NALCN: variants seen among roughly 807,000 people sequenced by gnomAD.
NALCN encodes the protein sodium leak channel NALCN.
In NALCN, 111 loss-of-function variants were observed where a neutral mutation model predicts 225.3. That is an observed-to-expected ratio of 0.49 (90% confidence interval 0.42 to 0.58). The LOEUF (loss-of-function observed/expected upper bound fraction) is 0.58. NALCN is among the 20% of genes least tolerant of loss of function. NALCN has a pLI of 0.00. For synonymous variants in NALCN, 764 were observed against 769.0 expected (o/e 0.99, Z 0.11); for missense variants, 1,378 against 2,202.4 (o/e 0.63, Z 7.49).
At chr13:101,232,679 C>T (rs1205578176) in intron 12 of NALCN, among the ~76,000 whole-genome samples, 1 of 152,006 alleles carries the variant, frequency 6.6e-6, no homozygotes, top group East Asian at 1.9e-4. Flanking sequence ...ATCTCCTGAC[C>T]TCGTGATCCG....
rs79672664 is a variant in NALCN, at chr13:101,172,160, T to C, written c.1839+4140A>G. On this transcript the variant is annotated intron_variant, in intron 15 of 43. Coordinates refer to ENST00000251127, the MANE Select transcript of NALCN (RefSeq NM_052867.4). ...ACACGGAGGTTGCATAGAAAAATAA[T>C]GGGAAAAGACATACAGCGCCATGCT... 8.5e-5 allele frequency among the ~76,000 whole-genome samples: 13 copies of C among 152,110 alleles called. No homozygotes were observed. The East Asian group carries it at 2.5e-3, about 30-fold the overall frequency.
Position 101,104,591 on chromosome 13 carries a change from G to C in NALCN, c.2696C>G (p.Ser899Cys), listed in dbSNP as rs1165968386. 6.2e-7 allele frequency: 1 copy of C among 1,613,896 alleles called. No homozygotes were observed. The highest frequency in any genetic ancestry group is 8.5e-7 in the Non-Finnish European group (1 of 1,179,930). ...GGACTCAAACATCATGGAAATGCAA[G>C]AGCAGATGGTTACGATGATCATGAC... ...DWVMIIVTIC[S>C]CISMMFESPF... Residue 899 changes from serine to cysteine, a missense_variant, in exon 24 of 44, where the codon TCT (serine) becomes TGT (cysteine). By Grantham distance (112) the Ser-to-Cys change is moderately radical. Coordinates refer to ENST00000251127, the MANE Select transcript of NALCN (RefSeq NM_052867.4). The surrounding 1 kb of genome is among the most constrained non-coding windows in gnomAD (Gnocchi z 4.2).
At chr13:101,407,537 T>G (rs904643529) in intron 1 of NALCN, among the ~76,000 whole-genome samples, 1 of 152,360 alleles carries the variant, frequency 6.6e-6, no homozygotes, top group African/African-American at 2.4e-5. Flanking sequence ...TACTCATTTT[T>G]TTAACTTGAA....
At chr13:101,240,371 T>A (rs1594508554) in intron 11 of NALCN, among the ~76,000 whole-genome samples, 1 of 151,966 alleles carries the variant, frequency 6.6e-6, no homozygotes, top group African/African-American at 2.4e-5. Context: ...ATCTATGTAT[T>A]TTTTCTTTTT....
At chr13:101,171,901 C>T (rs1056771721) in intron 15 of NALCN, among the ~76,000 whole-genome samples, 3 of 152,162 alleles carry the variant, frequency 2.0e-5, no homozygotes, top group African/African-American at 7.2e-5. Flanking sequence ...TTAAAGGAAA[C>T]TATATATGAA....
intron 6 of NALCN, among the ~76,000 whole-genome samples, chr13:101,365,077 T>C (rs1436825729): frequency 3.3e-5 from 5 of 152,182 alleles, no homozygotes; most frequent in East Asian, 3.8e-4. Context: ...CAGGGATACA[T>C]GTGCAGGTTT....
chr13:101,306,316 C>T (rs892587252), intron 7 of NALCN, among the ~76,000 whole-genome samples: 1 of 152,240 alleles, frequency 6.6e-6, no homozygotes, highest in African/African-American at 2.4e-5. Context: ...AATGGCTCCA[C>T]TTGTCTCCAG....
At chr13:101,151,079 C>T (rs1566347925) in intron 15 of NALCN, among the ~76,000 whole-genome samples, 1 of 152,152 alleles carries the variant, frequency 6.6e-6, no homozygotes, top group Non-Finnish European at 1.5e-5. Flanking sequence ...AAGAAACAAA[C>T]TTCAAACCTT....
intron 15 of NALCN, among the ~76,000 whole-genome samples, chr13:101,165,286 C>T (rs1176124066): frequency 6.6e-6 from 1 of 152,214 alleles, no homozygotes; most frequent in Non-Finnish European, 1.5e-5. Context: ...GATCCACCTT[C>T]ACTTCCTTAC....
intron 14 of NALCN, among the ~76,000 whole-genome samples, chr13:101,190,463 T>G (rs2039637057): frequency 6.6e-6 from 1 of 152,224 alleles, no homozygotes; most frequent in Non-Finnish European, 1.5e-5. Context: ...CAGGGCTAAG[T>G]GTTGTGCAAA....
At chr13:101,062,267 T>G (rs776118085) in intron 40 of NALCN, 149 bp from the exon 41 acceptor site, 10 of 757,466 alleles carry the variant, frequency 1.3e-5, no homozygotes, top group Non-Finnish European at 2.1e-5. Context: ...CTTGGGCTGG[T>G]CCTGTCACCT....
At chr13:101,260,828 T>A (rs1462322777) in intron 10 of NALCN, among the ~76,000 whole-genome samples, 2 of 152,212 alleles carry the variant, frequency 1.3e-5, no homozygotes, top group Non-Finnish European at 2.9e-5. Context: ...GTGTTGTCTC[T>A]TCACTTTGTT....
At chr13:101,254,100 C>T (rs185284374) in intron 11 of NALCN, among the ~76,000 whole-genome samples, 6 of 152,026 alleles carry the variant, frequency 3.9e-5, no homozygotes, top group East Asian at 3.9e-4. Flanking sequence ...CAGAGTGGAA[C>T]GGCCAGGAGT....
intron 7 of NALCN, among the ~76,000 whole-genome samples, chr13:101,313,476 G>GA (rs984897866): frequency 3.3e-4 from 50 of 151,972 alleles, no homozygotes; most frequent in Admixed American, 3.9e-4. Flanking sequence ...AAATTTACAA[G>GA]AAAAAAACAA....
At chr13:101,139,515 G>A (rs1203881254) in intron 17 of NALCN, among the ~76,000 whole-genome samples, 1 of 151,988 alleles carries the variant, frequency 6.6e-6, no homozygotes, top group African/African-American at 2.4e-5. Context: ...GAGAATCACC[G>A]ATAAACCAGC....
At chr13:101,354,727 A>T (rs9585678) in intron 6 of NALCN, among the ~76,000 whole-genome samples, 6 of 152,074 alleles carry the variant, frequency 3.9e-5, no homozygotes, top group African/African-American at 1.2e-4. Context: ...CACCTCTTAC[A>T]TACTTGGAGG....
intron 42 of NALCN, chr13:101,059,044 T>C (rs561378515): frequency 6.6e-6 from 1 of 152,478 alleles, no homozygotes; most frequent in East Asian, 1.9e-4. Flanking sequence ...CCTGGCTGCG[T>C]TGCTGCACAC....
At chr13:101,295,677 C>G (rs548189991) in intron 7 of NALCN, among the ~76,000 whole-genome samples, 1 of 152,050 alleles carries the variant, frequency 6.6e-6, no homozygotes, top group South Asian at 2.1e-4. Context: ...GTGAGACATT[C>G]GTGAAAGTAT....
At chr13:101,234,495 G>T (rs2041472889) in intron 12 of NALCN, among the ~76,000 whole-genome samples, 1 of 152,208 alleles carries the variant, frequency 6.6e-6, no homozygotes, top group South Asian at 2.1e-4. Flanking sequence ...AATGAGAAGT[G>T]TGAGGACCAA....
Sources: gnomAD v4.1 joint callset for allele counts (sites outside exome capture counted in the v4.1 genomes callset) on GRCh38, gnomAD v4.1.1 for gene constraint, Gnocchi (gnomAD v3.1) non-coding constraint, MANE v1.5 for transcripts, NCBI Gene and HGNC (gene_info 2026-07-23, HGNC 2026-07-21) for gene names.